Variants in PRKG1 observed in about 807,000 individuals in gnomAD.
PRKG1 encodes cGMP-dependent protein kinase 1.
Under a neutral mutation model 88.1 loss-of-function variants are expected in PRKG1, and 35 were observed. The ratio of observed to expected loss-of-function variants is 0.40; its 90% CI spans 0.30 to 0.53. The LOEUF (loss-of-function observed/expected upper bound fraction) is 0.53. PRKG1 is among the 20% of genes least tolerant of loss of function. PRKG1 has a pLI of 0.59. For missense variants in PRKG1, 540 were observed against 839.8 expected (o/e 0.64, Z 4.41); for synonymous variants, 303 against 292.5 (o/e 1.04, Z -0.37).
chr10:52,111,147 T>A (rs939101521), intron 7 of PRKG1, among the ~76,000 whole-genome samples: 7 of 152,202 alleles, frequency 4.6e-5, no homozygotes, highest in Non-Finnish European at 1.0e-4. Flanking sequence ...ACAGAGTATG[T>A]TGGAGTCCTC....
chr10:52,194,990 T>C (rs1282174690), intron 9 of PRKG1, among the ~76,000 whole-genome samples: 1 of 152,106 alleles, frequency 6.6e-6, no homozygotes, highest in African/African-American at 2.4e-5. Flanking sequence ...CCACCTCAAA[T>C]TGAACTCTGA....
intron 5 of PRKG1, among the ~76,000 whole-genome samples, chr10:51,977,061 T>C (rs1312637214): frequency 1.3e-5 from 2 of 151,962 alleles, no homozygotes; most frequent in African/African-American, 4.8e-5. Context: ...GATTATTTTA[T>C]CACCCACATA....
chr10:52,245,749 T>TTTTATTTATTTA (rs10552419), intron 9 of PRKG1, among the ~76,000 whole-genome samples: 3 of 138,056 alleles, frequency 2.2e-5, no homozygotes, highest in African/African-American at 5.3e-5. Context: ...GTTAACACCA[T>TTTTATTTATTTA]TTTATTTATT....
chr10:52,207,452 C>T (rs1839849399), intron 9 of PRKG1, among the ~76,000 whole-genome samples: 1 of 152,164 alleles, frequency 6.6e-6, no homozygotes, highest in East Asian at 1.9e-4. Flanking sequence ...AGACTGGCCC[C>T]ATCCCACAAG....
intron 2 of PRKG1, among the ~76,000 whole-genome samples, chr10:51,167,997 G>T (rs1163987690): frequency 6.6e-6 from 1 of 152,034 alleles, no homozygotes; most frequent in African/African-American, 2.4e-5. Flanking sequence ...CAGATTAAAT[G>T]GCAAATTTGG....
intron 3 of PRKG1, among the ~76,000 whole-genome samples, chr10:51,650,473 TA>T (rs1306040224): frequency 6.6e-6 from 1 of 152,224 alleles, no homozygotes; most frequent in Non-Finnish European, 1.5e-5. Context: ...TTAGCAACGC[TA>T]AAACCAATGA....
chr10:51,992,147 T>C lies in PRKG1; in HGVS notation c.763-62337T>C, dbSNP rs11000398. On this transcript the variant is annotated intron_variant, in intron 5 of 17. Coordinates refer to ENST00000373980, the MANE Select transcript of PRKG1 (RefSeq NM_006258.4). ...ATATTACAGGGTATTTGATAAATCA[T>C]TTGGTATTCTTTCCTATATAGCACT... is the stretch of plus-strand genomic sequence containing the variant. 9.0e-3 allele frequency among the ~76,000 whole-genome samples: 1,375 copies of C among 152,298 alleles called. 15 individuals carry two copies. The highest frequency in any genetic ancestry group is 0.03 in the African/African-American group (1,244 of 41,580).
At chr10:51,011,239 G>C (rs1411557276) in intron 1 of PRKG1, among the ~76,000 whole-genome samples, 1 of 151,908 alleles carries the variant, frequency 6.6e-6, no homozygotes, top group African/African-American at 2.4e-5. Flanking sequence ...TGAGGGGAGA[G>C]AGTGCTGTCC....
intron 5 of PRKG1, among the ~76,000 whole-genome samples, chr10:51,911,962 G>A (rs748729447): frequency 1.7e-4 from 26 of 152,204 alleles, no homozygotes; most frequent in Admixed American, 8.5e-4. Context: ...TTGTTTCAGG[G>A]CCTGGAGATT....
At chr10:51,650,872 G>T (rs1589161362) in intron 3 of PRKG1, among the ~76,000 whole-genome samples, 2 of 152,012 alleles carry the variant, frequency 1.3e-5, no homozygotes, top group African/African-American at 4.8e-5. Context: ...CTCATCAGTT[G>T]CCTACTGTGT....
At position 52,009,336 on chromosome 10, in the gene PRKG1, A is replaced by C. The variant is rs1483935411; in HGVS notation, c.763-45148A>C. ...AACTTCAGTAAACTTTCATTATACA[A>C]AATCAGTGTACAAAAAATTAGTGTC... On this transcript the variant is annotated intron_variant, in intron 5 of 17. Transcript: ENST00000373980. Among the ~76,000 whole-genome samples the C allele has an allele frequency of 2.6e-5, 4 of 152,144 alleles. No homozygotes were observed. In the East Asian group the frequency reaches 7.7e-4, roughly 29 times the overall value.
intron 2 of PRKG1, among the ~76,000 whole-genome samples, chr10:51,238,457 C>T (rs1254763874): frequency 6.6e-6 from 1 of 152,098 alleles, no homozygotes; most frequent in Non-Finnish European, 1.5e-5. Flanking sequence ...GTGGCGGGCC[C>T]CGTTATCCCA....
chr10:51,213,594 T>A (rs1446711890), intron 2 of PRKG1, among the ~76,000 whole-genome samples: 1 of 152,238 alleles, frequency 6.6e-6, no homozygotes, highest in Non-Finnish European at 1.5e-5. Flanking sequence ...GTTAGAAGAA[T>A]TTGCATTATA....
At chr10:51,525,560 TGGTGGCG>T (rs1841859481) in intron 3 of PRKG1, among the ~76,000 whole-genome samples, 1 of 151,948 alleles carries the variant, frequency 6.6e-6, no homozygotes, top group Non-Finnish European at 1.5e-5. Flanking sequence ...TAGCCGGGTG[TGGTGGCG>T]GGGGCCTGTA....
At chr10:52,006,050 A>AC (rs1184788195) in intron 5 of PRKG1, among the ~76,000 whole-genome samples, 1 of 151,620 alleles carries the variant, frequency 6.6e-6, no homozygotes, top group Admixed American at 6.6e-5. Context: ...CCATAATCAA[A>AC]CCCCCAAGGG....
At chr10:51,850,515 A>G (rs565424551) in intron 4 of PRKG1, among the ~76,000 whole-genome samples, 34 of 151,822 alleles carry the variant, frequency 2.2e-4, no homozygotes, top group Non-Finnish European at 4.4e-4. Flanking sequence ...GTATATGTAT[A>G]TGTATATATT....
rs76109144 is a variant in PRKG1, at chr10:52,163,623, C to T, written c.1076+1660C>T. Among the ~76,000 whole-genome samples, 1,110 of 152,010 alleles carry T rather than the reference C, an allele frequency of 7.3e-3. 10 individuals carry two copies. Among genetic ancestry groups the T allele is most frequent in the African/African-American group, 0.026 (1,060 of 41,462 alleles). ...TATTTATTCCACTTAAAGTTGAGGC[C>T]GCTATCATGCTTCAAATTGATCAGT... On this transcript the variant is annotated intron_variant, in intron 9 of 17. Coordinates refer to ENST00000373980, the MANE Select transcript of PRKG1 (RefSeq NM_006258.4).
chr10:51,862,349 G>A (rs1387924600), intron 4 of PRKG1, among the ~76,000 whole-genome samples: 1 of 152,156 alleles, frequency 6.6e-6, no homozygotes, highest in Non-Finnish European at 1.5e-5. Flanking sequence ...GAGGGTTACA[G>A]TGTTACAGCA....
rs551939526 is a variant in PRKG1, at chr10:51,709,939, A to C, written c.593-94646A>C. ...AGCAGCAAGGGTTTGACAATGCTTT[A>C]GGATACTAAAGCTAGGATACTCATT... On this transcript the variant is annotated intron_variant, in intron 3 of 17. Transcript: ENST00000373980. Among the ~76,000 whole-genome samples, 25 of 128,858 alleles carry C rather than the reference A, an allele frequency of 1.9e-4. No homozygotes were observed. In the South Asian group the frequency reaches 5.3e-3, roughly 27 times the overall value. The allele number at this position is 128,858 out of a possible 152,430, so 84.5% of individuals were successfully genotyped here. A position where few individuals can be genotyped will look rare whatever the true frequency, so the allele number is the denominator to read the frequency against.
Sources: gnomAD v4.1 joint callset for allele counts (sites outside exome capture counted in the v4.1 genomes callset) on GRCh38, gnomAD v4.1.1 for gene constraint, MANE v1.5 for transcripts, NCBI Gene and HGNC (gene_info 2026-07-23, HGNC 2026-07-21) for gene names.